Variants in DRC8 observed in about 807,000 individuals in gnomAD.
DRC8 encodes the protein dynein regulatory complex subunit 8.
At chr1:245,020,650 C>T in the DRC8 span, among the ~76,000 whole-genome samples, 68 of 125,016 alleles carry the variant, frequency 5.4e-4, no homozygotes, top group African/African-American at 2.0e-3. Flanking sequence ...GACAGGGTCT[C>T]GCTCTGTCAC....
chr1:244,993,434 G>A, the DRC8 span, among the ~76,000 whole-genome samples: 24 of 152,294 alleles, frequency 1.6e-4, no homozygotes, highest in Non-Finnish European at 2.8e-4. Context: ...GTGGTAATGA[G>A]GTTCCTTGGC....
At chr1:245,009,765 C>T in the DRC8 span, among the ~76,000 whole-genome samples, 270 of 152,216 alleles carry the variant, frequency 1.8e-3, 1 homozygote, top group African/African-American at 5.5e-3. Context: ...CTGCGCCCAG[C>T]CCCCCAAATG....
chr1:244,970,803 G>C, the DRC8 span: 1 of 364,028 alleles, frequency 2.7e-6, no homozygotes, highest in Admixed American at 5.2e-5. Context: ...CTCGGAGGCC[G>C]GGCCTTGCAT....
At chr1:245,115,458 T>TTA in the DRC8 span, among the ~76,000 whole-genome samples, 2 of 152,260 alleles carry the variant, frequency 1.3e-5, no homozygotes, top group Non-Finnish European at 2.9e-5. Context: ...GGTGCACTTT[T>TTA]TAGTTGAGAA....
At chr1:245,009,577 C>T in the DRC8 span, among the ~76,000 whole-genome samples, 1 of 150,392 alleles carries the variant, frequency 6.6e-6, no homozygotes, top group Non-Finnish European at 1.5e-5. Context: ...ACACCATTCT[C>T]CTGCCTCAGC....
chr1:245,109,815 C>T, the DRC8 span, among the ~76,000 whole-genome samples: 1 of 152,232 alleles, frequency 6.6e-6, no homozygotes, highest in South Asian at 2.1e-4. Context: ...AGGCACTAAC[C>T]ACTGGGCTGA....
At chr1:245,025,455 TC>T in the DRC8 span, among the ~76,000 whole-genome samples, 1 of 152,056 alleles carries the variant, frequency 6.6e-6, no homozygotes, top group South Asian at 2.1e-4. Context: ...TATAAGAATA[TC>T]AAATAAAAAA....
At chr1:245,047,602 T>G in the DRC8 span, among the ~76,000 whole-genome samples, 1 of 134,538 alleles carries the variant, frequency 7.4e-6, no homozygotes, top group African/African-American at 2.8e-5. Context: ...GCCACGGCAC[T>G]CCAGCCTGGT....
At chr1:245,065,225 G>A in the DRC8 span, among the ~76,000 whole-genome samples, 1 of 150,944 alleles carries the variant, frequency 6.6e-6, no homozygotes, top group African/African-American at 2.4e-5. Flanking sequence ...GCTAATTTTT[G>A]TATTTTCAGT....
chr1:244,998,507 A>G, the DRC8 span, among the ~76,000 whole-genome samples: 1 of 152,180 alleles, frequency 6.6e-6, no homozygotes, highest in South Asian at 2.1e-4. Flanking sequence ...CACTGCGCCC[A>G]GCTCCCTTAC....
the DRC8 span, among the ~76,000 whole-genome samples, chr1:245,034,897 T>A: frequency 6.7e-6 from 1 of 148,362 alleles, no homozygotes. Context: ...AATAGAAAGA[T>A]AAATCACTAG....
At chr1:244,971,803 TGATA>T in the DRC8 span, among the ~76,000 whole-genome samples, 1 of 152,158 alleles carries the variant, frequency 6.6e-6, no homozygotes, top group East Asian at 1.9e-4. Context: ...ATCTCTCTAT[TGATA>T]ACAAGGATAC....
the DRC8 span, among the ~76,000 whole-genome samples, chr1:245,004,971 G>C: frequency 6.6e-6 from 1 of 152,110 alleles, no homozygotes; most frequent in Non-Finnish European, 1.5e-5. Context: ...CTAGTTTTCC[G>C]AGTGTTTTTA....
At chr1:245,037,688 TAGAAGAA>T in the DRC8 span, among the ~76,000 whole-genome samples, 2 of 152,118 alleles carry the variant, frequency 1.3e-5, no homozygotes, top group African/African-American at 4.8e-5. Context: ...GTAGAAAAGA[TAGAAGAA>T]AGAACTATCT....
chr1:245,055,615 G>A, the DRC8 span, among the ~76,000 whole-genome samples: 4 of 152,222 alleles, frequency 2.6e-5, no homozygotes, highest in South Asian at 2.1e-4. Flanking sequence ...GAGCCACCGC[G>A]CCTGGCCTGT....
At chr1:245,116,079 G>A in the DRC8 span, among the ~76,000 whole-genome samples, 17 of 152,086 alleles carry the variant, frequency 1.1e-4, no homozygotes, top group African/African-American at 4.1e-4. Flanking sequence ...GTAGAGACGG[G>A]GCTTTACCAT....
At chr1:244,971,300 G>T in the DRC8 span, among the ~76,000 whole-genome samples, 3 of 152,256 alleles carry the variant, frequency 2.0e-5, no homozygotes, top group African/African-American at 7.2e-5. Context: ...CGCCGGCCGG[G>T]CCTCTCCCAG....
chr1:245,037,989 A>T, the DRC8 span, among the ~76,000 whole-genome samples: 1 of 152,180 alleles, frequency 6.6e-6, no homozygotes, highest in South Asian at 2.1e-4. Context: ...ATAGATGAAC[A>T]AATAGACATA....
chr1:245,037,518 A>T, the DRC8 span, among the ~76,000 whole-genome samples: 1 of 152,174 alleles, frequency 6.6e-6, no homozygotes, highest in Admixed American at 6.5e-5. Flanking sequence ...CTAGTTTCTT[A>T]CTTAATAAAG....
Sources: gnomAD v4.1 joint callset for allele counts (sites outside exome capture counted in the v4.1 genomes callset) on GRCh38, gnomAD v4.1.1 for gene constraint, MANE v1.5 for transcripts, NCBI Gene and HGNC (gene_info 2026-07-23, HGNC 2026-07-21) for gene names.